LRTM3: variants seen among roughly 807,000 people sequenced by gnomAD.
LRTM3 encodes leucine-rich repeat transmembrane protein 3.
At chr13:102,731,158 T>C in the LRTM3 span, 31 of 1,551,430 alleles carry the variant, frequency 2.0e-5, no homozygotes, top group African/African-American at 4.1e-4. Flanking sequence ...TAATACTCTG[T>C]AGCTTTGTGA....
chr13:102,749,669 G>A, the LRTM3 span: 14 of 1,551,372 alleles, frequency 9.0e-6, no homozygotes, highest in East Asian at 3.2e-4. Flanking sequence ...CACATCTTCA[G>A]GCTGGGCAAA....
chr13:102,730,019 G>T, the LRTM3 span: 4 of 1,551,446 alleles, frequency 2.6e-6, no homozygotes, highest in Admixed American at 2.0e-5. Flanking sequence ...TACACTAGAT[G>T]ACCTAGACTG....
chr13:102,747,607 G>T, the LRTM3 span: 2 of 1,550,996 alleles, frequency 1.3e-6, no homozygotes, highest in Non-Finnish European at 1.7e-6. Flanking sequence ...TCTTTTGGAG[G>T]TTTCCACCAA....
chr13:102,735,197 G>C, the LRTM3 span: 2 of 1,551,208 alleles, frequency 1.3e-6, no homozygotes, highest in East Asian at 4.9e-5. Flanking sequence ...TAAGACAGGC[G>C]ATTTCTTTGC....
the LRTM3 span, chr13:102,729,566 C>G: frequency 6.6e-7 from 1 of 1,521,926 alleles, no homozygotes; most frequent in South Asian, 1.3e-5. Flanking sequence ...TCTGAAGTTT[C>G]TTTTCCTTAA....
the LRTM3 span, chr13:102,750,317 T>C: frequency 2.6e-5 from 40 of 1,545,548 alleles, no homozygotes; most frequent in Non-Finnish European, 3.4e-5. Context: ...TAAAATTCTA[T>C]CTTCAAAGTT....
the LRTM3 span, chr13:102,741,056 G>C: frequency 1.9e-6 from 3 of 1,549,984 alleles, no homozygotes; most frequent in Non-Finnish European, 1.7e-6. Flanking sequence ...GATTTCTTCT[G>C]CTGAGCCTTC....
the LRTM3 span, chr13:102,734,549 A>G: frequency 6.4e-7 from 1 of 1,551,192 alleles, no homozygotes; most frequent in South Asian, 1.2e-5. Flanking sequence ...CTTCAAAGTT[A>G]TATCTGTGCC....
chr13:102,750,019 A>G, the LRTM3 span: 1 of 1,550,092 alleles, frequency 6.5e-7, no homozygotes, highest in South Asian at 1.2e-5. Flanking sequence ...CTAGATCTTC[A>G]TTTTCTACAG....
the LRTM3 span, chr13:102,758,551 C>A: frequency 6.5e-7 from 1 of 1,547,614 alleles, no homozygotes; most frequent in Non-Finnish European, 8.7e-7. Flanking sequence ...ACCAAGTTTC[C>A]TGCTTTTGGG....
At chr13:102,756,833 C>A in the LRTM3 span, among the ~76,000 whole-genome samples, 1 of 152,006 alleles carries the variant, frequency 6.6e-6, no homozygotes, top group Non-Finnish European at 1.5e-5. Context: ...AACACCACCC[C>A]CTAACCTCTT....
chr13:102,738,430 A>C, the LRTM3 span: 1 of 1,550,866 alleles, frequency 6.4e-7, no homozygotes, highest in Non-Finnish European at 8.7e-7. Context: ...AAGGAATGGA[A>C]GCGCAGGCAT....
the LRTM3 span, chr13:102,748,994 C>A: frequency 6.4e-7 from 1 of 1,550,796 alleles, no homozygotes; most frequent in Non-Finnish European, 8.7e-7. Context: ...TTTTATTAAA[C>A]CCGGCATGAC....
At chr13:102,753,672 A>C in the LRTM3 span, among the ~76,000 whole-genome samples, 1 of 152,150 alleles carries the variant, frequency 6.6e-6, no homozygotes, top group East Asian at 1.9e-4. Context: ...ATACGTTGTT[A>C]TGGCAGCCCC....
the LRTM3 span, chr13:102,748,841 A>G: frequency 6.5e-7 from 1 of 1,550,346 alleles, no homozygotes; most frequent in African/African-American, 1.4e-5. Context: ...TTTTGGTGAA[A>G]TGTTTTTTAG....
the LRTM3 span, chr13:102,740,683 G>T: frequency 6.5e-7 from 1 of 1,547,880 alleles, no homozygotes. Context: ...TAGATGCATT[G>T]AACTGAAATA....
chr13:102,733,804 C>A, the LRTM3 span: 2 of 1,551,282 alleles, frequency 1.3e-6, no homozygotes, highest in Non-Finnish European at 1.7e-6. Context: ...GGACGCTGAT[C>A]ATGAAGTTTG....
the LRTM3 span, among the ~76,000 whole-genome samples, chr13:102,751,410 T>C: frequency 1.6e-4 from 24 of 151,360 alleles, no homozygotes; most frequent in African/African-American, 5.3e-4. Context: ...GTTCCGTTTC[T>C]CTGGAGAACC....
the LRTM3 span, chr13:102,731,784 G>A: frequency 1.3e-6 from 2 of 1,550,998 alleles, no homozygotes; most frequent in South Asian, 1.2e-5. Flanking sequence ...TGAACCTTTT[G>A]TGTGGTCATG....
Sources: gnomAD v4.1 joint callset for allele counts (sites outside exome capture counted in the v4.1 genomes callset) on GRCh38, gnomAD v4.1.1 for gene constraint, MANE v1.5 for transcripts, NCBI Gene and HGNC (gene_info 2026-07-23, HGNC 2026-07-21) for gene names.